Variants in VAV2 observed in about 807,000 individuals in gnomAD.
VAV2 encodes guanine nucleotide exchange factor VAV2.
A neutral mutation model predicts 132.5 loss-of-function variants in VAV2; 67 were observed. That is an observed-to-expected ratio of 0.51 (90% CI 0.42 to 0.62). VAV2 has a LOEUF of 0.62. VAV2 is among the 20% of genes least tolerant of loss of function. The pLI, the probability that VAV2 is intolerant of heterozygous loss-of-function variation, is 0.00. For missense variants in VAV2, 938 were observed against 1,153.6 expected (o/e 0.81, Z 2.71); for synonymous variants, 492 against 443.5 (o/e 1.11, Z -1.37).
intron 4 of VAV2, among the ~76,000 whole-genome samples, chr9:133,814,370 C>T (rs1215910789): frequency 6.6e-6 from 1 of 152,250 alleles, no homozygotes; most frequent in Non-Finnish European, 1.5e-5. Context: ...TTCTCAGCGG[C>T]TGCCAGCCAC....
At chr9:133,895,928 CT>C (rs551480342) in intron 2 of VAV2, among the ~76,000 whole-genome samples, 2,005 of 115,216 alleles carry the variant, frequency 0.017, 171 homozygotes, top group African/African-American at 0.047. Flanking sequence ...ACACTAAAAT[CT>C]TTTTTTTTTT....
chr9:133,764,450 T>C (rs565164104), intron 29 of VAV2, among the ~76,000 whole-genome samples: 258 of 152,018 alleles, frequency 1.7e-3, no homozygotes, highest in South Asian at 5.8e-3. Context: ...CAAAAACCAA[T>C]AGAAAAAGCA....
intron 3 of VAV2, among the ~76,000 whole-genome samples, chr9:133,854,234 C>T (rs1217434517): frequency 3.3e-5 from 5 of 151,262 alleles, no homozygotes; most frequent in Non-Finnish European, 7.4e-5. Flanking sequence ...TGTGCACCTG[C>T]ACACATACAT....
intron 2 of VAV2, among the ~76,000 whole-genome samples, chr9:133,880,692 T>TC (rs1412730208): frequency 6.6e-6 from 1 of 152,210 alleles, no homozygotes; most frequent in Non-Finnish European, 1.5e-5. Flanking sequence ...CCACACTGGT[T>TC]CATTCATTGT....
At chr9:133,786,013 CCTGTGTGA>C in intron 16 of VAV2, 128 bp from the exon 17 acceptor site, 3 of 786,594 alleles carry the variant, frequency 3.8e-6, no homozygotes, top group Non-Finnish European at 6.4e-6. Flanking sequence ...GGTGCCTGTG[CCTGTGTGA>C]ACACATGTTC....
At chr9:133,843,169 G>C (rs564000857) in intron 3 of VAV2, among the ~76,000 whole-genome samples, 493 of 152,260 alleles carry the variant, frequency 3.2e-3, no homozygotes, top group African/African-American at 0.011. Flanking sequence ...CTCGGGGATG[G>C]CAGTGTCGGA....
chr9:133,770,223 C>T (rs1482183425), intron 27 of VAV2, among the ~76,000 whole-genome samples, 155 bp downstream of exon 27: 3 of 152,232 alleles, frequency 2.0e-5, no homozygotes, highest in Non-Finnish European at 4.4e-5. Context: ...TGCCACATGA[C>T]AGCATCTGCG....
At position 133,866,775 on chromosome 9, in the gene VAV2, C is replaced by CAGG. The variant is rs1313002366; in HGVS notation, c.322-5344_322-5343insCCT. Among the ~76,000 whole-genome samples the CAGG allele has an allele frequency of 2.2e-4, 32 of 144,480 alleles. No homozygotes were observed. In the Admixed American group the frequency reaches 2.2e-3, roughly 10 times the overall value. 94.8% of individuals were successfully genotyped at this position (144,480 alleles called of 152,430 possible). On this transcript the variant is annotated intron_variant, in intron 2 of 29. Coordinates refer to ENST00000371850, the MANE Select transcript of VAV2 (RefSeq NM_001134398.2). ...GGGCCGAGATTGCACCACTGCACTC[C>CAGG]AACCTGGGCAACAGAGCAAGACTCC...
At position 133,791,712 on chromosome 9, in the gene VAV2, G is replaced by A. The variant is rs1834468532; in HGVS notation, c.1188+71C>T. The A allele has an allele frequency of 5.2e-6, 7 of 1,356,424 alleles. No homozygotes were observed. The South Asian group carries it at 5.8e-5, about 11-fold the overall frequency. The allele number at this position is 1,356,424 out of a possible 1,614,324, so 84.0% of individuals were successfully genotyped here. On this transcript the variant is annotated intron_variant, in intron 13 of 29. Transcript: ENST00000371850. ...TGCCCATGGAGCTCACTCAATACTG[G>A]GGCTGTGAACGTGACTTTATAGGTA...
chr9:133,812,304 G>T (rs146726225), intron 4 of VAV2, 88 bp from the exon 5 acceptor site: 5 of 1,338,216 alleles, frequency 3.7e-6, no homozygotes, highest in Non-Finnish European at 5.3e-6. Flanking sequence ...CACGAGGGAC[G>T]CAGGCGGCTG....
At chr9:133,972,804 T>C in intron 1 of VAV2, among the ~76,000 whole-genome samples, 1 of 152,070 alleles carries the variant, frequency 6.6e-6, no homozygotes, top group Non-Finnish European at 1.5e-5. Context: ...ACTTTACAGA[T>C]GAGGCAACCA....
intron 20 of VAV2, 138 bp from the exon 21 acceptor site, chr9:133,780,077 G>A: frequency 1.7e-6 from 2 of 1,186,238 alleles, no homozygotes. Context: ...GGAGGAGAGG[G>A]ACACTGTTCC....
Position 133,823,747 on chromosome 9 carries a change from C to A in VAV2, c.449+10525G>T, listed in dbSNP as rs938481837. ...CTTCTGCGCCGGTCCCCTCCCTCTG[C>A]AGAGACTGCATTAAATGAGACCAGA... On this transcript the variant is annotated intron_variant, in intron 4 of 29. Coordinates refer to ENST00000371850, the MANE Select transcript of VAV2 (RefSeq NM_001134398.2). The surrounding 1 kb of genome is among the most constrained non-coding windows in gnomAD (Gnocchi z 5.5). Among the ~76,000 whole-genome samples, 24 of 152,204 alleles carry A rather than the reference C, an allele frequency of 1.6e-4. No homozygotes were observed. Among genetic ancestry groups the A allele is most frequent in the Admixed American group, 1.3e-4 (2 of 15,280 alleles).
intron 1 of VAV2, among the ~76,000 whole-genome samples, chr9:133,960,900 C>T (rs1441152964): frequency 3.3e-5 from 5 of 152,214 alleles, no homozygotes; most frequent in African/African-American, 4.8e-5. Flanking sequence ...GGCAGGAGGC[C>T]GTCATGGGAA....
chr9:133,922,247 T>C (rs1840322988), intron 2 of VAV2, among the ~76,000 whole-genome samples: 1 of 152,240 alleles, frequency 6.6e-6, no homozygotes, highest in South Asian at 2.1e-4. Flanking sequence ...TCTGGCTCTG[T>C]CATAGCCGTG....
At chr9:133,843,589 C>G (rs924003357) in intron 3 of VAV2, among the ~76,000 whole-genome samples, 5 of 152,156 alleles carry the variant, frequency 3.3e-5, no homozygotes, top group Non-Finnish European at 7.3e-5. Context: ...GGGCCCTACA[C>G]CCCCTGGCCT....
intron 2 of VAV2, among the ~76,000 whole-genome samples, chr9:133,898,721 G>A (rs1047588687): frequency 6.6e-6 from 1 of 152,118 alleles, no homozygotes; most frequent in Non-Finnish European, 1.5e-5. Context: ...GCCTCATGAG[G>A]CCAGGCCTGA....
chr9:133,861,289 C>A, intron 3 of VAV2, 85 bp downstream of exon 3: 1 of 1,445,244 alleles, frequency 6.9e-7, no homozygotes, highest in South Asian at 1.3e-5. Context: ...GCATCTGCTT[C>A]CAACCCCAGT....
chr9:133,859,521 T>C lies in VAV2; in HGVS notation c.380+1853A>G, dbSNP rs148505445. Among the ~76,000 whole-genome samples, 237 of 152,318 alleles carry C rather than the reference T, an allele frequency of 1.6e-3. 1 individual carries two copies. The highest frequency in any genetic ancestry group is 2.1e-3 in the Non-Finnish European group (142 of 68,026). ...CAGGCCTCCAGTTTGGAAGAATGTC[T>C]AATGGATTTGGAGAAGAGATCAAAA... On this transcript the variant is annotated intron_variant, in intron 3 of 29. Transcript: ENST00000371850.
Sources: allele counts gnomAD v4.1 joint callset (sites outside exome capture counted in the v4.1 genomes callset), GRCh38; gene constraint gnomAD v4.1.1; non-coding constraint Gnocchi (gnomAD v3.1); transcripts MANE v1.5; gene names NCBI Gene and HGNC (gene_info 2026-07-23, HGNC 2026-07-21).